Variants in SPHKAP observed in about 807,000 individuals in gnomAD.
SPHKAP encodes SPHK1 interactor, AKAP domain containing.
In SPHKAP, 67 loss-of-function variants were observed where a neutral mutation model predicts 137.5. The ratio of observed to expected loss-of-function variants is 0.49; its 90% CI spans 0.40 to 0.60. SPHKAP has a LOEUF of 0.60. Among genes scored for constraint, SPHKAP ranks in the 20% least tolerant of loss-of-function variants. SPHKAP has a pLI of 0.00. For synonymous variants in SPHKAP, 813 were observed against 785.3 expected (o/e 1.04, Z -0.59); for missense variants, 2,097 against 2,069.3 (o/e 1.01, Z -0.26).
intron 2 of SPHKAP, among the ~76,000 whole-genome samples, chr2:228,127,741 T>C (rs1024519748): frequency 6.6e-6 from 1 of 152,154 alleles, no homozygotes; most frequent in Non-Finnish European, 1.5e-5. Flanking sequence ...ATATCTGTTT[T>C]CTATGGATTT....
In SPHKAP at chr2:227,981,717, T is replaced by C; in HGVS notation, c.5103A>G (p.Ter1701=). 10 of 1,612,736 alleles carry C rather than the reference T, an allele frequency of 6.2e-6. No individual in the cohort carries two copies. The highest frequency in any genetic ancestry group is 8.5e-6 in the Non-Finnish European group (10 of 1,179,314). Residue 1701 remains the stop codon, a stop_retained_variant, in exon 12 of 12, where the codon TAA becomes TAG. Coordinates refer to ENST00000392056, the MANE Select transcript of SPHKAP (RefSeq NM_001142644.2). ...ATGATCTATACGGCAGACTGCCTTA[T>C]TATCCCAGTTCCAAGAGCCAGTCAA... ...SLFDWLLELG[*] is the part of the protein sequence containing the mutation.
rs137978320 is a variant in SPHKAP, at chr2:227,991,165, A to G, written c.4794T>C (p.Pro1598=). The change falls in exon 11 of 12, where the codon CCT becomes CCC. Residue 1598 remains proline (P), a synonymous_variant. Transcript: ENST00000392056. ...ESTEAPASGP[P]TGTASPQRSL... ...TCCTCTGGGGGCTGGCTGTTCCCGTAGGCGGTCCAGATGCAGGTGCTGAGA... is the reference window on the plus strand; with the variant it reads ...TCCTCTGGGGGCTGGCTGTTCCCGTGGGCGGTCCAGATGCAGGTGCTGAGA... 162 of 1,614,084 alleles carry G rather than the reference A, an allele frequency of 1.0e-4. No homozygotes were observed. In the African/African-American group the frequency reaches 1.5e-3, roughly 15 times the overall value.
intron 3 of SPHKAP, among the ~76,000 whole-genome samples, chr2:228,092,295 G>GCACACACACGTGTATGTGTGTATACGTA (rs1697793300): frequency 2.9e-5 from 4 of 139,482 alleles, no homozygotes; most frequent in African/African-American, 1.1e-4. Context: ...GTGTATACGT[G>GCACACACACGTGTATGTGTGTATACGTA]CACACACACG....
chr2:228,109,090 G>A (rs957377969), intron 2 of SPHKAP, 151 bp from the exon 3 acceptor site: 7 of 560,194 alleles, frequency 1.2e-5, no homozygotes, highest in African/African-American at 2.0e-5. Context: ...CTTGCAGGAT[G>A]ATAGCACCTC....
chr2:228,095,982 GGT>G (rs1340467807), intron 3 of SPHKAP, among the ~76,000 whole-genome samples: 1 of 152,160 alleles, frequency 6.6e-6, no homozygotes, highest in Admixed American at 6.5e-5. Context: ...TTAAAAATTT[GGT>G]GTGTCTCTCA....
intron 3 of SPHKAP, among the ~76,000 whole-genome samples, chr2:228,039,382 A>AATGGCTGAGTGAAGC (rs1187018436): frequency 6.6e-6 from 1 of 152,204 alleles, no homozygotes; most frequent in African/African-American, 2.4e-5. Context: ...ACTTTAATAA[A>AATGGCTGAGTGAAGC]ATATTCCTCA....
chr2:228,053,493 T>G (rs2106276070), intron 3 of SPHKAP, among the ~76,000 whole-genome samples: 1 of 152,344 alleles, frequency 6.6e-6, no homozygotes, highest in East Asian at 1.9e-4. Flanking sequence ...TACAGCATTC[T>G]TGGATCTTGG....
At chr2:228,150,831 G>T (rs988963106) in intron 1 of SPHKAP, among the ~76,000 whole-genome samples, 1 of 151,856 alleles carries the variant, frequency 6.6e-6, no homozygotes, top group Non-Finnish European at 1.5e-5. Flanking sequence ...GCTCATCACA[G>T]CCTCGATCTC....
In SPHKAP at chr2:228,017,832, C is replaced by T. The variant is rs1694668598; in HGVS notation, c.3022G>A (p.Asp1008Asn). ...PRLSEIKRKT[D>N]EHPELKEKLM... ...TTTTCTTTAAGCTCAGGGTGCTCGT[C>T]CGTCTTCCTCTTGATCTCACTGAGC... The change falls in exon 7 of 12, where the codon GAC becomes AAC. Residue 1008 changes from aspartate to asparagine, a missense_variant. Asp to Asn is a conservative substitution (Grantham distance 23). Coordinates refer to ENST00000392056, the MANE Select transcript of SPHKAP (RefSeq NM_001142644.2). 1 of 1,614,092 alleles carries T rather than the reference C, an allele frequency of 6.2e-7. No homozygotes were observed. Among genetic ancestry groups the T allele is most frequent in the Non-Finnish European group, 8.5e-7 (1 of 1,179,996 alleles).
At position 228,021,577 on chromosome 2, in the gene SPHKAP, C is replaced by T; in HGVS notation, c.697+134G>A. ...AGTGTTCTCATATCCTCCTTCCTTC[C>T]TTCCTTAAAATTCAGCAAGTAAAGA... On this transcript the variant is annotated intron_variant, in intron 6 of 11. Transcript: ENST00000392056. 6 of 1,085,202 alleles carry T rather than the reference C, an allele frequency of 5.5e-6. No homozygotes were observed. In the South Asian group the frequency reaches 9.4e-5, roughly 17 times the overall value. The allele number at this position is 1,085,202 out of a possible 1,614,324, so 67.2% of individuals were successfully genotyped here.
intron 3 of SPHKAP, among the ~76,000 whole-genome samples, chr2:228,069,504 T>C (rs1207476468): frequency 6.6e-6 from 1 of 150,602 alleles, no homozygotes; most frequent in Non-Finnish European, 1.5e-5. Flanking sequence ...AGGCTGGTCT[T>C]GAACTCCTGG....
chr2:228,019,732 T>A lies in SPHKAP; in HGVS notation c.1122A>T (p.Thr374=). The change falls in exon 7 of 12, where the codon ACA becomes ACT. Residue 374 remains threonine (T), a synonymous_variant. Coordinates refer to ENST00000392056, the MANE Select transcript of SPHKAP (RefSeq NM_001142644.2). ...SNLNPGDHED[T]RNALPPRQDG... ...CTTGTCTAGGAGGGAGAGCGTTTCT[T>A]GTGTCTTCATGGTCTCCTGGGTTTA... 6.2e-7 allele frequency: 1 copy of A among 1,614,224 alleles called. No homozygotes were observed.
At position 228,016,822 on chromosome 2, in the gene SPHKAP, T is replaced by C. The variant is rs1694616300; in HGVS notation, c.4032A>G (p.Ala1344=). The C allele has an allele frequency of 6.2e-7, 1 of 1,614,110 alleles. No individual in the cohort carries two copies. Among genetic ancestry groups the C allele is most frequent in the African/African-American group, 1.3e-5 (1 of 75,032 alleles). Reference sequence around the variant, plus strand: ...CAGCTAATCTATTTGCACACTTCTCTGCTTGCGAGGGAGAGCCACCAGAAA... The same window carrying C: ...CAGCTAATCTATTTGCACACTTCTCCGCTTGCGAGGGAGAGCCACCAGAAA... ...EPVSGGSPSQ[A]EKCANRLAAS... is the part of the protein sequence containing the mutation. Residue 1344 remains alanine (A), a synonymous_variant, in exon 7 of 12, where the codon GCA becomes GCG. Coordinates refer to ENST00000392056, the MANE Select transcript of SPHKAP (RefSeq NM_001142644.2).
At chr2:228,011,661 C>A (rs1041340063) in intron 7 of SPHKAP, among the ~76,000 whole-genome samples, 1 of 152,070 alleles carries the variant, frequency 6.6e-6, no homozygotes. Context: ...ACAGGGGTAC[C>A]AAACATCCAA....
At chr2:228,174,076 T>C (rs564848480) in intron 1 of SPHKAP, among the ~76,000 whole-genome samples, 2 of 152,308 alleles carry the variant, frequency 1.3e-5, no homozygotes, top group East Asian at 3.9e-4. Flanking sequence ...CTTAGCTCTA[T>C]TGGGAACAGA....
chr2:228,036,898 G>A (rs1695635946), intron 3 of SPHKAP, among the ~76,000 whole-genome samples: 1 of 151,998 alleles, frequency 6.6e-6, no homozygotes, highest in South Asian at 2.1e-4. Context: ...TGGGAGGAGG[G>A]GGGAGGGATA....
At chr2:228,113,609 C>A (rs1330613768) in intron 2 of SPHKAP, among the ~76,000 whole-genome samples, 2 of 96,764 alleles carry the variant, frequency 2.1e-5, no homozygotes, top group African/African-American at 4.1e-5. Context: ...AGCCATCTCT[C>A]TCTCTCTCTC....
chr2:228,044,153 T>C (rs1695945886), intron 3 of SPHKAP, among the ~76,000 whole-genome samples: 2 of 152,194 alleles, frequency 1.3e-5, no homozygotes, highest in Non-Finnish European at 1.5e-5. Context: ...TCAGGTATAA[T>C]TGAGCAAACA....
chr2:228,120,402 T>C (rs1473586772), intron 2 of SPHKAP, among the ~76,000 whole-genome samples: 1 of 152,138 alleles, frequency 6.6e-6, no homozygotes, highest in Non-Finnish European at 1.5e-5. Flanking sequence ...AAATATCACA[T>C]AAGGATATAA....
Sources: gnomAD v4.1 joint callset for allele counts (sites outside exome capture counted in the v4.1 genomes callset) on GRCh38, gnomAD v4.1.1 for gene constraint, MANE v1.5 for transcripts, NCBI Gene and HGNC (gene_info 2026-07-23, HGNC 2026-07-21) for gene names.